The following AUTS2 variants were observed in gnomAD, a reference collection of about 807,000 sequenced individuals.
AUTS2 encodes activator of transcription and developmental regulator AUTS2.
AUTS2 carries 17 observed loss-of-function variants against 112.4 expected under a neutral mutation model. That is an observed-to-expected ratio of 0.15 (90% CI 0.10 to 0.23). The LOEUF (loss-of-function observed/expected upper bound fraction) is 0.23. Among genes scored for constraint, AUTS2 ranks in the 10% least tolerant of loss-of-function variants. AUTS2 has a pLI of 1.00. For missense variants in AUTS2, 1,510 were observed against 1,701.6 expected (o/e 0.89, Z 1.98); for synonymous variants, 751 against 702.7 (o/e 1.07, Z -1.09).
At chr7:70,585,965 C>G (rs1342914263) in intron 5 of AUTS2, among the ~76,000 whole-genome samples, 1 of 152,064 alleles carries the variant, frequency 6.6e-6, no homozygotes, top group Non-Finnish European at 1.5e-5. Flanking sequence ...CGGGTTCAAG[C>G]TATTCTCCTG....
chr7:70,075,653 C>T (rs953395662), intron 2 of AUTS2, among the ~76,000 whole-genome samples: 2 of 152,120 alleles, frequency 1.3e-5, no homozygotes, highest in Admixed American at 6.6e-5. Flanking sequence ...TTTTTAGTAT[C>T]TTCAATGTAC....
At chr7:70,695,665 G>A (rs936887253) in intron 5 of AUTS2, among the ~76,000 whole-genome samples, 1 of 152,206 alleles carries the variant, frequency 6.6e-6, no homozygotes, top group African/African-American at 2.4e-5. Flanking sequence ...CTGCACGCAC[G>A]GCTTTTTATA....
intron 1 of AUTS2, among the ~76,000 whole-genome samples, chr7:69,866,254 G>A (rs934160700): frequency 6.6e-6 from 1 of 152,126 alleles, no homozygotes; most frequent in Non-Finnish European, 1.5e-5. Flanking sequence ...CAGTCCTGGT[G>A]ATTAAGTAGT....
At chr7:70,001,518 G>A (rs1799191502) in intron 2 of AUTS2, among the ~76,000 whole-genome samples, 1 of 152,062 alleles carries the variant, frequency 6.6e-6, no homozygotes, top group African/African-American at 2.4e-5. Context: ...CAGAATGCAG[G>A]ATTCATGAAT....
At chr7:70,143,742 G>T (rs897505718) in intron 4 of AUTS2, among the ~76,000 whole-genome samples, 1 of 152,164 alleles carries the variant, frequency 6.6e-6, no homozygotes, top group Admixed American at 6.5e-5. Flanking sequence ...TGCCAAAGGT[G>T]ATGACTGTCT....
intron 4 of AUTS2, among the ~76,000 whole-genome samples, chr7:70,252,467 GTTAT>G (rs1455119111): frequency 5.9e-5 from 9 of 151,974 alleles, no homozygotes; most frequent in Admixed American, 2.6e-4. Flanking sequence ...TTGCTATTGA[GTTAT>G]TTGAGTTCCT....
intron 5 of AUTS2, among the ~76,000 whole-genome samples, chr7:70,486,905 C>CA (rs1328656059): frequency 8.4e-6 from 1 of 118,502 alleles, no homozygotes; most frequent in Non-Finnish European, 1.7e-5. Flanking sequence ...ATTCCCCCCC[C>CA]CCCAAAAAAA....
chr7:69,932,808 T>C (rs1393494977), intron 2 of AUTS2, among the ~76,000 whole-genome samples: 29 of 152,340 alleles, frequency 1.9e-4, no homozygotes, highest in Non-Finnish European at 1.8e-4. Context: ...TGGCTTCACA[T>C]TATTTGTTTT....
intron 2 of AUTS2, among the ~76,000 whole-genome samples, chr7:69,926,030 A>G (rs1184554809): frequency 6.6e-6 from 1 of 152,212 alleles, no homozygotes; most frequent in Admixed American, 6.5e-5. Flanking sequence ...CATTGCTTGT[A>G]TGACTTGTAT....
intron 2 of AUTS2, among the ~76,000 whole-genome samples, chr7:70,117,682 G>A (rs1307799857): frequency 2.6e-5 from 4 of 151,786 alleles, no homozygotes; most frequent in Non-Finnish European, 5.9e-5. Flanking sequence ...TTTTTCTATG[G>A]CAGCTTGCCT....
chr7:70,621,206 C>G (rs1293149596), intron 5 of AUTS2, among the ~76,000 whole-genome samples: 2 of 152,346 alleles, frequency 1.3e-5, no homozygotes, highest in East Asian at 3.9e-4. Context: ...GTGGCTTCTG[C>G]CGGGAGTGGG....
intron 6 of AUTS2, among the ~76,000 whole-genome samples, chr7:70,731,488 G>A (rs1415526421): frequency 7.5e-6 from 1 of 133,978 alleles, no homozygotes; most frequent in Non-Finnish European, 1.5e-5. Context: ...GGAGTGCAGT[G>A]GTGCAATCTC....
chr7:69,771,574 G>C (rs954327808), intron 1 of AUTS2, among the ~76,000 whole-genome samples: 1 of 152,290 alleles, frequency 6.6e-6, no homozygotes, highest in Admixed American at 6.5e-5. Context: ...TGCAGTGCTA[G>C]TTCCGTGTGG....
chr7:70,791,091 G>C lies in AUTS2; in HGVS notation c.*95G>C, dbSNP rs981274859. 8.8e-6 allele frequency: 11 copies of C among 1,254,336 alleles called. No homozygotes were observed. The highest frequency in any genetic ancestry group is 7.6e-5 in the African/African-American group (5 of 65,416). The allele number at this position is 1,254,336 out of a possible 1,614,324, so 77.7% of individuals were successfully genotyped here. On this transcript the variant is annotated 3_prime_UTR_variant, in exon 19 of 19. Coordinates refer to ENST00000342771, the MANE Select transcript of AUTS2 (RefSeq NM_015570.4). ...AACTCCTGCATGGCTCACACAGACTGGGGGGGAAAGCCCCACCCCTTCCCC... is the reference window on the plus strand; with the variant it reads ...AACTCCTGCATGGCTCACACAGACTCGGGGGGAAAGCCCCACCCCTTCCCC...
intron 1 of AUTS2, among the ~76,000 whole-genome samples, chr7:69,672,123 G>T (rs1450712862): frequency 6.6e-6 from 1 of 151,558 alleles, no homozygotes; most frequent in Non-Finnish European, 1.5e-5. Flanking sequence ...GCAGTGGCAC[G>T]ATCTCAGCTC....
At chr7:69,761,379 T>C (rs1370911852) in intron 1 of AUTS2, among the ~76,000 whole-genome samples, 3 of 152,222 alleles carry the variant, frequency 2.0e-5, no homozygotes. Flanking sequence ...AACATACAGC[T>C]TGTTATTAAG....
chr7:69,720,552 A>G (rs1798875495), intron 1 of AUTS2, among the ~76,000 whole-genome samples: 6 of 152,198 alleles, frequency 3.9e-5, no homozygotes, highest in African/African-American at 1.4e-4. Context: ...TTTTATAACC[A>G]CAGTCATGCC....
At chr7:69,861,038 T>G (rs971244138) in intron 1 of AUTS2, among the ~76,000 whole-genome samples, 1 of 152,020 alleles carries the variant, frequency 6.6e-6, no homozygotes, top group Non-Finnish European at 1.5e-5. Context: ...AAAGCCCACC[T>G]CACAGGCAAT....
chr7:69,997,218 G>A (rs1798986883), intron 2 of AUTS2, among the ~76,000 whole-genome samples: 1 of 152,150 alleles, frequency 6.6e-6, no homozygotes, highest in Admixed American at 6.5e-5. Context: ...AATTATAGAG[G>A]CTTGGAGAAG....
Sources: allele counts gnomAD v4.1 joint callset (sites outside exome capture counted in the v4.1 genomes callset), GRCh38; gene constraint gnomAD v4.1.1; transcripts MANE v1.5; gene names NCBI Gene and HGNC (gene_info 2026-07-23, HGNC 2026-07-21).